EFEMP1: variants seen among roughly 807,000 people sequenced by gnomAD.
EFEMP1 encodes EGF-like fibulin extracellular matrix protein 1.
In EFEMP1, 18 loss-of-function variants were observed where a neutral mutation model predicts 65.7. The ratio of observed to expected loss-of-function variants is 0.27; its 90% CI spans 0.19 to 0.41. The LOEUF is 0.41. Ranked by LOEUF, EFEMP1 falls within the 10% of genes least tolerant of loss-of-function variation. The pLI is 1.00. For missense variants in EFEMP1, 469 were observed against 624.8 expected (o/e 0.75, Z 2.66); for synonymous variants, 237 against 219.7 (o/e 1.08, Z -0.70).
rs367718707 is a variant in EFEMP1 at position 55,867,168 on chromosome 2, C to T, written c.1387G>A (p.Val463Met). ...KSLSGPREHI[V>M]DLEMLTVSSI... ...CTGACTGTCAGCATCTCCAGGTCCA[C>T]GATATGTTCTCTTGGTCCTGATAAT... The change falls in exon 12 of 12, where the codon GTG (valine) becomes ATG (methionine). Residue 463 changes from valine (V) to methionine (M), a missense_variant. By Grantham distance (21) the Val-to-Met change is conservative (BLOSUM62 1). Transcript: ENST00000355426. The surrounding 1 kb of genome is among the most constrained non-coding windows in gnomAD (Gnocchi z 4.3). 2 of 1,613,932 alleles carry T rather than the reference C, an allele frequency of 1.2e-6. No individual in the cohort carries two copies. Among genetic ancestry groups the T allele is most frequent in the Non-Finnish European group, 1.7e-6 (2 of 1,179,912 alleles).
Position 55,877,699 on chromosome 2 carries a change from GT to G in EFEMP1, c.760+46del. On this transcript the variant is annotated intron_variant, in intron 7 of 11. Transcript: ENST00000355426. The surrounding 1 kb of genome is among the most constrained non-coding windows in gnomAD (Gnocchi z 4.5). ...TGGAAATACTGCAACATGGCATGGG[GT>G]TTCCTTTTGTGAAGACAGAAATCAG... is the stretch of plus-strand genomic sequence containing the variant. The G allele has an allele frequency of 6.2e-7, 1 of 1,611,230 alleles. No individual in the cohort carries two copies. The highest frequency in any genetic ancestry group is 1.1e-5 in the South Asian group (1 of 90,980).
At chr2:55,916,420 T>A (rs1320876086) in intron 5 of EFEMP1, among the ~76,000 whole-genome samples, 2 of 152,234 alleles carry the variant, frequency 1.3e-5, no homozygotes, top group East Asian at 3.8e-4. Flanking sequence ...CCTTGCTTCA[T>A]TTTTAAGCCA....
At position 55,870,510 on chromosome 2, in the gene EFEMP1, G is replaced by A. The variant is rs1388970410; in HGVS notation, c.1320+210C>T. ...CTCACTTTTCTCCTCTGTAAAAAAT[G>A]GAGATGAATATTAATATCTATCTGG... On this transcript the variant is annotated intron_variant, in intron 11 of 11. Coordinates refer to ENST00000355426, the MANE Select transcript of EFEMP1 (RefSeq NM_001039348.3). The surrounding 1 kb of genome is among the most constrained non-coding windows in gnomAD (Gnocchi z 5.8). 2.0e-5 allele frequency among the ~76,000 whole-genome samples: 3 copies of A among 151,994 alleles called. No individual in the cohort carries two copies. Among genetic ancestry groups the A allele is most frequent in the Admixed American group, 2.0e-4 (3 of 15,244 alleles).
At chr2:55,888,923 T>A (rs1010483883) in intron 5 of EFEMP1, among the ~76,000 whole-genome samples, 2 of 152,158 alleles carry the variant, frequency 1.3e-5, no homozygotes, top group Non-Finnish European at 2.9e-5. Context: ...GTTTTCCTGG[T>A]TCCCGGCCAC....
chr2:55,896,108 C>G (rs984221090), intron 5 of EFEMP1, among the ~76,000 whole-genome samples: 9 of 152,122 alleles, frequency 5.9e-5, no homozygotes, highest in African/African-American at 2.2e-4. Context: ...TTGAAGGTAG[C>G]AATTGAGATA....
At chr2:55,918,153 G>T in intron 4 of EFEMP1, 66 bp downstream of exon 4, 1 of 1,612,340 alleles carries the variant, frequency 6.2e-7, no homozygotes, top group Non-Finnish European at 8.5e-7. Flanking sequence ...GACAGGACAG[G>T]AAGAGTGACA....
chr2:55,889,784 C>A (rs1669562993), intron 5 of EFEMP1, among the ~76,000 whole-genome samples: 1 of 148,188 alleles, frequency 6.7e-6, no homozygotes, highest in African/African-American at 2.5e-5. Flanking sequence ...GTCATGGATG[C>A]ATGTTCAAAT....
rs567462981 is a variant in EFEMP1, at chr2:55,919,366, C to T, written c.82-1099G>A. Among the ~76,000 whole-genome samples, 7 of 152,058 alleles carry T rather than the reference C, an allele frequency of 4.6e-5. No homozygotes were observed. The highest frequency in any genetic ancestry group is 7.2e-5 in the African/African-American group (3 of 41,392). Reference sequence around the variant, plus strand: ...TTAAAATGAAGATTCCTGGGCCCACCCAAAGGATTTGATTCTGTAGGTCTG... The same window carrying T: ...TTAAAATGAAGATTCCTGGGCCCACTCAAAGGATTTGATTCTGTAGGTCTG... On this transcript the variant is annotated intron_variant, in intron 3 of 11. Coordinates refer to ENST00000355426, the MANE Select transcript of EFEMP1 (RefSeq NM_001039348.3). The surrounding 1 kb of genome is among the most constrained non-coding windows in gnomAD (Gnocchi z 4.5).
rs1553349416 is a variant in EFEMP1 at position 55,873,071 on chromosome 2, C to CACACACACAT, written c.1000+1874_1000+1875insATGTGTGTGT. On this transcript the variant is annotated intron_variant, in intron 9 of 11. Transcript: ENST00000355426. This position sits in a 1 kb window ranked among gnomAD's most constrained non-coding sequence, Gnocchi z 4.6. ...TTGTCTCTCTGTCTCTCTCTCCACA[C>CACACACACAT]ACACACACACACACACACACACACA... Among the ~76,000 whole-genome samples the CACACACACAT allele has an allele frequency of 7.4e-6, 1 of 136,048 alleles. No individual in the cohort carries two copies. The highest frequency in any genetic ancestry group is 2.0e-4 in the East Asian group (1 of 4,936). The allele number at this position is 136,048 out of a possible 152,430, so 89.3% of individuals were successfully genotyped here.
At chr2:55,902,945 C>T (rs1443305620) in intron 5 of EFEMP1, among the ~76,000 whole-genome samples, 1 of 152,230 alleles carries the variant, frequency 6.6e-6, no homozygotes, top group Non-Finnish European at 1.5e-5. Flanking sequence ...AAAGTGCACT[C>T]ATTTTCTCTC....
Position 55,867,646 on chromosome 2 carries a change from A to T in EFEMP1, c.1321-412T>A, listed in dbSNP as rs1668632709. Among the ~76,000 whole-genome samples the T allele has an allele frequency of 6.6e-6, 1 of 152,108 alleles. No individual in the cohort carries two copies. The highest frequency in any genetic ancestry group is 6.6e-5 in the Admixed American group (1 of 15,252). ...GTTTACATTCTAGTAAGTAAAGAGA[A>T]ATGGAAACAGTTTTTCAACAGAATA... On this transcript the variant is annotated intron_variant, in intron 11 of 11. Coordinates refer to ENST00000355426, the MANE Select transcript of EFEMP1 (RefSeq NM_001039348.3). This position sits in a 1 kb window ranked among gnomAD's most constrained non-coding sequence, Gnocchi z 4.3.
Position 55,917,541 on chromosome 2 carries a change from T to C in EFEMP1, c.517+124A>G. 4.1e-6 allele frequency: 5 copies of C among 1,218,314 alleles called. No homozygotes were observed. Among genetic ancestry groups the C allele is most frequent in the Non-Finnish European group, 6.1e-6 (5 of 821,894 alleles). 75.5% of individuals were successfully genotyped at this position (1,218,314 alleles called of 1,614,324 possible). On this transcript the variant is annotated intron_variant, in intron 5 of 11. Transcript: ENST00000355426. This position sits in a 1 kb window ranked among gnomAD's most constrained non-coding sequence, Gnocchi z 6.3. ...GGAATATTGTGATGATTAAATATAA[T>C]GCAGACAAAGCACTTAGCATGATGT...
chr2:55,873,396 C>T lies in EFEMP1; in HGVS notation c.1000+1550G>A, dbSNP rs887097891. On this transcript the variant is annotated intron_variant, in intron 9 of 11. Transcript: ENST00000355426. The surrounding 1 kb of genome is among the most constrained non-coding windows in gnomAD (Gnocchi z 4.6). ...TTGGTGCATTTTCCACCTTTAATTA[C>T]AATAGATATAAATGTTTCCACATAG... is the stretch of plus-strand genomic sequence containing the variant. Among the ~76,000 whole-genome samples, 6 of 151,988 alleles carry T rather than the reference C, an allele frequency of 3.9e-5. No homozygotes were observed. Among genetic ancestry groups the T allele is most frequent in the South Asian group, 2.1e-4 (1 of 4,822 alleles).
At chr2:55,904,103 C>T (rs1670148766) in intron 5 of EFEMP1, among the ~76,000 whole-genome samples, 1 of 152,132 alleles carries the variant, frequency 6.6e-6, no homozygotes, top group Non-Finnish European at 1.5e-5. Flanking sequence ...CTGGCCCCTA[C>T]CCTAGCAGGT....
intron 5 of EFEMP1, among the ~76,000 whole-genome samples, chr2:55,887,935 G>A (rs1013644919): frequency 1.3e-5 from 2 of 152,150 alleles, no homozygotes; most frequent in Non-Finnish European, 2.9e-5. Flanking sequence ...CAATGATGAC[G>A]GATTTGCATT....
chr2:55,920,558 C>T (rs1670877612), intron 3 of EFEMP1, among the ~76,000 whole-genome samples: 1 of 152,222 alleles, frequency 6.6e-6, no homozygotes, highest in African/African-American at 2.4e-5. Context: ...TGAAAAGTAT[C>T]TTTCAAGCCA....
chr2:55,867,541 T>G lies in EFEMP1; in HGVS notation c.1321-307A>C, dbSNP rs1008468255. 3.3e-5 allele frequency among the ~76,000 whole-genome samples: 5 copies of G among 152,072 alleles called. No individual in the cohort carries two copies. The highest frequency in any genetic ancestry group is 7.4e-5 in the Non-Finnish European group (5 of 67,996). ...GAGTAGTTGTGGACTTTACAGAGAC[T>G]AGAGCTTAAGTGAGAATCTGATAAT... On this transcript the variant is annotated intron_variant, in intron 11 of 11. Coordinates refer to ENST00000355426, the MANE Select transcript of EFEMP1 (RefSeq NM_001039348.3). The surrounding 1 kb of genome is among the most constrained non-coding windows in gnomAD (Gnocchi z 4.3).
chr2:55,922,650 A>T lies in EFEMP1; in HGVS notation c.-7-203T>A. 1 of 576,182 alleles carries T rather than the reference A, an allele frequency of 1.7e-6. No individual in the cohort carries two copies. 35.7% of individuals were successfully genotyped at this position (576,182 alleles called of 1,614,324 possible). A position where few individuals can be genotyped will look rare whatever the true frequency, so the allele number is the denominator to read the frequency against. On this transcript the variant is annotated intron_variant, in intron 2 of 11. Transcript: ENST00000355426. This position sits in a 1 kb window ranked among gnomAD's most constrained non-coding sequence, Gnocchi z 5.5. ...CGAACGAGGCAGCAAAGACGTAAAA[A>T]CTGCTGTAGAATTGCATTTCACGTT...
intron 5 of EFEMP1, among the ~76,000 whole-genome samples, chr2:55,914,009 C>CA (rs913534673): frequency 0.013 from 1,937 of 148,306 alleles, 49 homozygotes; most frequent in African/African-American, 0.046. Context: ...GACTCTGTCT[C>CA]AAAAAAAAAG....
Sources: allele counts gnomAD v4.1 joint callset (sites outside exome capture counted in the v4.1 genomes callset), GRCh38; gene constraint gnomAD v4.1.1; non-coding constraint Gnocchi (gnomAD v3.1); transcripts MANE v1.5; gene names NCBI Gene and HGNC (gene_info 2026-07-23, HGNC 2026-07-21).